The following KDM6A variants were observed in gnomAD, a reference collection of about 807,000 sequenced individuals.
The protein encoded by KDM6A is lysine demethylase 6A.
Under a neutral mutation model 117.6 loss-of-function variants are expected in KDM6A, and 11 were observed. The observed-to-expected ratio is 0.09, with a 90% CI of 0.06 to 0.15. KDM6A has a LOEUF of 0.15. Ranked by LOEUF, KDM6A falls within the 10% of genes least tolerant of loss-of-function variation. The pLI is 1.00. For missense variants in KDM6A, 799 were observed against 1,077.3 expected (o/e 0.74, Z 3.62); for synonymous variants, 384 against 396.1 (o/e 0.97, Z 0.36).
At chrX:44,913,474 A>T (rs2035348584) in intron 2 of KDM6A, among the ~76,000 whole-genome samples, 1 of 105,821 alleles carries the variant, frequency 9.4e-6, no homozygotes, top group Non-Finnish European at 1.9e-5. Context: ...AATTTTTTGT[A>T]TTTTTTTTTG....
intron 2 of KDM6A, among the ~76,000 whole-genome samples, chrX:44,907,470 G>GT (rs1289512102): frequency 4.1e-4 from 31 of 74,766 alleles, no homozygotes; most frequent in Non-Finnish European, 5.5e-4. Context: ...TGTGTGTGTG[G>GT]TTTTTTTTTT....
At chrX:44,903,002 C>T (rs776048720) in intron 2 of KDM6A, among the ~76,000 whole-genome samples, 4 of 111,712 alleles carry the variant, frequency 3.6e-5, no homozygotes, top group Non-Finnish European at 5.6e-5. Flanking sequence ...AAGGCCTTAC[C>T]TCTTAATGCT....
chrX:44,878,878 C>T (rs1302734244), intron 2 of KDM6A, among the ~76,000 whole-genome samples: 1 of 110,715 alleles, frequency 9.0e-6, no homozygotes, highest in Non-Finnish European at 1.9e-5. Context: ...CCTGCCACCA[C>T]ACCCGGCTAA....
chrX:45,082,604 A>G lies in KDM6A; in HGVS notation c.3329A>G (p.Lys1110Arg). ...GAAAATGAAAAAAGAAGTCATCATAAAGACCACTCAGATAGTGAATCTACA... is the reference window on the plus strand; with the variant it reads ...GAAAATGAAAAAAGAAGTCATCATAGAGACCACTCAGATAGTGAATCTACA... ...REENEKRSHH[K>R]DHSDSESTSS... Residue 1110 changes from lysine (K) to arginine (R), a missense_variant, in exon 22 of 30, where the codon AAA becomes AGA. Physicochemically the swap from Lys to Arg is conservative, Grantham distance 26. Transcript: ENST00000611820. 8.4e-7 allele frequency: 1 copy of G among 1,194,708 alleles called. No homozygotes were observed. The highest frequency in any genetic ancestry group is 3.0e-4 in the Middle Eastern group (1 of 3,359).
At chrX:44,885,620 C>T (rs1177529821) in intron 2 of KDM6A, among the ~76,000 whole-genome samples, 3 of 110,169 alleles carry the variant, frequency 2.7e-5, no homozygotes, top group Non-Finnish European at 3.8e-5. Flanking sequence ...CCTGTGATCC[C>T]AGCACTTTCA....
At chrX:45,101,319 G>C (rs989917178) in intron 27 of KDM6A, among the ~76,000 whole-genome samples, 1 of 111,455 alleles carries the variant, frequency 9.0e-6, no homozygotes, top group Non-Finnish European at 1.9e-5. Context: ...TAACTTTTAT[G>C]ACTGTTATGT....
At chrX:44,991,818 C>G (rs1346580791) in intron 4 of KDM6A, among the ~76,000 whole-genome samples, 1 of 109,414 alleles carries the variant, frequency 9.1e-6, no homozygotes, top group Admixed American at 9.8e-5. Context: ...TCCTGAGTAG[C>G]TGGGATTACA....
At chrX:45,106,472 G>A in intron 27 of KDM6A, 1 of 325,289 alleles carries the variant, frequency 3.1e-6, no homozygotes, top group South Asian at 2.9e-5. Context: ...GTAGATAGCA[G>A]GAATAAAATA....
At chrX:45,033,522 G>A (rs1466510914) in intron 6 of KDM6A, among the ~76,000 whole-genome samples, 1 of 111,346 alleles carries the variant, frequency 9.0e-6, no homozygotes, top group Non-Finnish European at 1.9e-5. Flanking sequence ...ACAAGTGTTG[G>A]TCAGCCTAAT....
rs1484208778 is a variant in KDM6A, at chrX:45,111,366, T to C, written c.4333-16T>C. 6.0e-6 allele frequency: 7 copies of C among 1,176,383 alleles called. No homozygotes were observed. Among genetic ancestry groups the C allele is most frequent in the Non-Finnish European group, 8.1e-6 (7 of 863,447 alleles). On this transcript the variant is annotated splice_polypyrimidine_tract_variant and intron_variant, in intron 29 of 29. Coordinates refer to ENST00000611820, the MANE Select transcript of KDM6A (RefSeq NM_001291415.2). ...AATTTGTATATCAAAATAACCTACC[T>C]TACTTTTATTTTCAGGCTCCTCCAT...
At chrX:45,004,927 A>G (rs1176332689) in intron 4 of KDM6A, among the ~76,000 whole-genome samples, 3 of 110,285 alleles carry the variant, frequency 2.7e-5, no homozygotes, top group East Asian at 2.9e-4. Flanking sequence ...GAATTGGGCA[A>G]TTTGGTCTGC....
At chrX:45,040,107 C>G in intron 8 of KDM6A, among the ~76,000 whole-genome samples, 1 of 56,978 alleles carries the variant, frequency 1.8e-5, no homozygotes, top group East Asian at 6.2e-4. Context: ...GCGCCCCTCA[C>G]CTCCCGGATG....
At chrX:44,894,017 A>G (rs141836109) in intron 2 of KDM6A, among the ~76,000 whole-genome samples, 4,303 of 111,712 alleles carry the variant, frequency 0.039, 221 homozygotes, top group African/African-American at 0.13. Flanking sequence ...CTTTGTGTAC[A>G]TTGTTGGATT....
intron 2 of KDM6A, among the ~76,000 whole-genome samples, chrX:44,955,808 T>C (rs1291915628): frequency 1.8e-5 from 2 of 111,592 alleles, no homozygotes; most frequent in Non-Finnish European, 3.8e-5. Context: ...TAATTTTTAA[T>C]TTTATCTTAT....
chrX:44,988,983 T>C (rs916354220), intron 4 of KDM6A, among the ~76,000 whole-genome samples: 1 of 109,447 alleles, frequency 9.1e-6, no homozygotes, highest in African/African-American at 3.3e-5. Context: ...GCCTTTTGTT[T>C]GGCTATGCCC....
rs747446753 is a variant in KDM6A, at chrX:45,053,854, C to T, written c.774C>T (p.Leu258=). Reference sequence around the variant, plus strand: ...GTTGGATGCATCACACTGTAGATCTCCTGGGAGATAAAGCCACCAAGGAAA... The same window carrying T: ...GTTGGATGCATCACACTGTAGATCTTCTGGGAGATAAAGCCACCAAGGAAA... ...QLGWMHHTVD[L]LGDKATKESY... is the part of the protein sequence containing the mutation. Residue 258 remains leucine (L), a synonymous_variant, in exon 10 of 30, where the codon CTC becomes CTT. Transcript: ENST00000611820. The T allele has an allele frequency of 8.3e-7, 1 of 1,198,028 alleles. No individual in the cohort carries two copies. Among genetic ancestry groups the T allele is most frequent in the Admixed American group, 2.2e-5 (1 of 46,002 alleles).
intron 27 of KDM6A, 91 bp downstream of exon 27, chrX:45,090,955 C>T: frequency 1.1e-6 from 1 of 929,118 alleles, no homozygotes; most frequent in Non-Finnish European, 1.6e-6. Context: ...ACGTTGACAT[C>T]AAAGCAAAAT....
At chrX:45,061,596 A>T (rs1356738787) in intron 15 of KDM6A, among the ~76,000 whole-genome samples, 177 bp downstream of exon 15, 1 of 97,275 alleles carries the variant, frequency 1.0e-5, no homozygotes, top group African/African-American at 4.0e-5. Context: ...TGTTAAAGTT[A>T]TTCTTGTGCC....
rs187170891 is a variant in KDM6A, at chrX:44,930,165, T to C, written c.226-31119T>C. Among the ~76,000 whole-genome samples the C allele has an allele frequency of 1.1e-3, 127 of 111,390 alleles. 1 individual carries two copies. In the East Asian group the frequency reaches 0.027, roughly 24 times the overall value. On this transcript the variant is annotated intron_variant, in intron 2 of 29. Transcript: ENST00000611820. ...TATAAAAATTATTTTTTTTCCTTTT[T>C]CCCCCTATTTTGAGAGTTCTTTATA...
Sources: gnomAD v4.1 joint callset for allele counts (sites outside exome capture counted in the v4.1 genomes callset) on GRCh38, gnomAD v4.1.1 for gene constraint, MANE v1.5 for transcripts, NCBI Gene and HGNC (gene_info 2026-07-23, HGNC 2026-07-21) for gene names.